COMMD1: variants seen among roughly 807,000 people sequenced by gnomAD.
COMMD1 encodes the protein COMM domain-containing protein 1.
COMMD1 carries 10 observed loss-of-function variants against 17.2 expected under a neutral mutation model. The observed-to-expected ratio is 0.58, with a 90% CI of 0.36 to 0.99. COMMD1 has a LOEUF of 0.99. COMMD1 is among the 50% of genes least tolerant of loss of function. COMMD1 has a pLI of 0.01. For missense variants in COMMD1, 270 were observed against 231.8 expected, an observed-to-expected ratio of 1.17 and a Z score of -1.07; for synonymous variants, 97 against 91.6, an observed-to-expected ratio of 1.06 and a Z score of -0.34.
chr2:62,033,420 G>T (rs527247550), intron 2 of COMMD1, among the ~76,000 whole-genome samples: 110 of 152,264 alleles, frequency 7.2e-4, no homozygotes, highest in African/African-American at 2.6e-3. Context: ...AATTAGGATA[G>T]CCTTGGGAGA....
chr2:62,135,858 G>A lies in COMMD1; in HGVS notation c.490G>A (p.Asp164Asn). The A allele has an allele frequency of 6.3e-7, 1 of 1,583,364 alleles. No individual in the cohort carries two copies. Among genetic ancestry groups the A allele is most frequent in the Non-Finnish European group, 8.7e-7 (1 of 1,151,824 alleles). Residue 164 changes from aspartate to asparagine, a missense_variant, in exon 3 of 3, where the codon GAT becomes AAT. By Grantham distance (23) the Asp-to-Asn change is conservative. Transcript: ENST00000311832. ...ATCTGAATTTCTGTGTTTGGAATTT[G>A]ATGAGGTCAAAGTCAACCAAATTCT... Reference protein sequence around the residue: ...QESEFLCLEFDEVKVNQILKT... With the variant: ...QESEFLCLEFNEVKVNQILKT...
At chr2:62,084,938 A>G (rs1671618685) in intron 2 of COMMD1, 1 of 152,258 alleles carries the variant, frequency 6.6e-6, no homozygotes, top group South Asian at 2.1e-4. Context: ...AGAAAAAGGA[A>G]TAAGTCTACT....
intron 2 of COMMD1, among the ~76,000 whole-genome samples, chr2:62,024,615 C>G (rs1573084347): frequency 6.6e-6 from 1 of 152,102 alleles, no homozygotes; most frequent in Non-Finnish European, 1.5e-5. Flanking sequence ...AAGACCTTTT[C>G]GACCTAGTTA....
At chr2:61,913,165 G>A (rs547995027) in intron 1 of COMMD1, among the ~76,000 whole-genome samples, 1 of 152,094 alleles carries the variant, frequency 6.6e-6, no homozygotes, top group South Asian at 2.1e-4. Context: ...CCAGGAGTTC[G>A]AGGCCACCCT....
At chr2:61,958,636 G>A (rs958127547) in intron 1 of COMMD1, among the ~76,000 whole-genome samples, 1 of 152,112 alleles carries the variant, frequency 6.6e-6, no homozygotes, top group Non-Finnish European at 1.5e-5. Flanking sequence ...CTCACATGTA[G>A]ACAATTCTAC....
chr2:61,924,902 A>G (rs1354587647), intron 1 of COMMD1, among the ~76,000 whole-genome samples: 1 of 152,130 alleles, frequency 6.6e-6, no homozygotes, highest in Admixed American at 6.5e-5. Flanking sequence ...CTTGTCTGGA[A>G]TAGAGGAGGT....
At chr2:62,013,780 G>A (rs992376309) in intron 2 of COMMD1, among the ~76,000 whole-genome samples, 2 of 152,126 alleles carry the variant, frequency 1.3e-5, no homozygotes, top group Non-Finnish European at 2.9e-5. Context: ...GGTAATTCTA[G>A]TCATTGTTAA....
chr2:62,134,500 G>A (rs1673132189), intron 2 of COMMD1, among the ~76,000 whole-genome samples: 2 of 151,784 alleles, frequency 1.3e-5, no homozygotes. Flanking sequence ...TCAAGATAAT[G>A]CAGATGTAGA....
chr2:61,946,785 T>C (rs1328900280), intron 1 of COMMD1, among the ~76,000 whole-genome samples: 1 of 152,166 alleles, frequency 6.6e-6, no homozygotes, highest in Non-Finnish European at 1.5e-5. Flanking sequence ...CACATTTCCT[T>C]TACAACTTCA....
intron 2 of COMMD1, among the ~76,000 whole-genome samples, chr2:62,099,941 T>A (rs1048127498): frequency 6.6e-6 from 1 of 152,058 alleles, no homozygotes; most frequent in Non-Finnish European, 1.5e-5. Flanking sequence ...AGGAACTCAC[T>A]CTCTCATTTG....
intron 1 of COMMD1, among the ~76,000 whole-genome samples, chr2:61,991,147 TC>T (rs1266700070): frequency 1.3e-5 from 2 of 152,158 alleles, no homozygotes; most frequent in Non-Finnish European, 1.5e-5. Context: ...TTCTTTTTTT[TC>T]TTTAGTATCG....
At chr2:61,894,884 G>C (rs1004195529) in intron 1 of COMMD1, among the ~76,000 whole-genome samples, 1 of 151,856 alleles carries the variant, frequency 6.6e-6, no homozygotes, top group Non-Finnish European at 1.5e-5. Flanking sequence ...TTTTAGTAGA[G>C]GCAGGGTTTC....
chr2:61,949,775 C>T (rs77612322), intron 1 of COMMD1, among the ~76,000 whole-genome samples: 2,849 of 152,248 alleles, frequency 0.019, 47 homozygotes, highest in Non-Finnish European at 0.028. Context: ...ACTAGCAAGG[C>T]GGCAAGGAAA....
chr2:61,987,533 AAC>A (rs576667624), intron 1 of COMMD1, among the ~76,000 whole-genome samples: 6 of 152,094 alleles, frequency 3.9e-5, no homozygotes, highest in Non-Finnish European at 8.8e-5. Flanking sequence ...TTCCCAAATA[AAC>A]AGAGTCACTT....
intron 2 of COMMD1, among the ~76,000 whole-genome samples, chr2:62,109,593 C>A (rs916381374): frequency 6.6e-6 from 1 of 152,182 alleles, no homozygotes; most frequent in Admixed American, 6.5e-5. Context: ...AAGTGAATTA[C>A]GTGAATTCCC....
chr2:62,045,693 A>T (rs1280901439), intron 2 of COMMD1, among the ~76,000 whole-genome samples: 1 of 144,444 alleles, frequency 6.9e-6, no homozygotes, highest in Non-Finnish European at 1.5e-5. Context: ...TGAGCCACCA[A>T]ATCTGGCCTC....
intron 1 of COMMD1, among the ~76,000 whole-genome samples, chr2:61,895,488 T>C (rs1200822444): frequency 6.6e-6 from 1 of 152,106 alleles, no homozygotes; most frequent in Non-Finnish European, 1.5e-5. Context: ...TGCTTAGGGA[T>C]CTGGAGGAGT....
intron 1 of COMMD1, among the ~76,000 whole-genome samples, chr2:61,995,258 G>T (rs1043523538): frequency 6.6e-6 from 1 of 152,106 alleles, no homozygotes; most frequent in African/African-American, 2.4e-5. Flanking sequence ...CAGATTCAGC[G>T]TTCTAAACCA....
intron 1 of COMMD1, among the ~76,000 whole-genome samples, chr2:61,957,087 CGTGTGTGTGT>C (rs10679710): frequency 5.4e-5 from 8 of 146,900 alleles, no homozygotes; most frequent in East Asian, 4.1e-4. Flanking sequence ...AAGATGGATG[CGTGTGTGTGT>C]GTGTGTGTGT....
Sources: allele counts gnomAD v4.1 joint callset (sites outside exome capture counted in the v4.1 genomes callset), GRCh38; gene constraint gnomAD v4.1.1; transcripts MANE v1.5; gene names NCBI Gene and HGNC (gene_info 2026-07-23, HGNC 2026-07-21).